The following RFTN2 variants were observed in gnomAD, a reference collection of about 807,000 sequenced individuals.
RFTN2 encodes raftlin family member 2.
Under a neutral mutation model 52.7 loss-of-function variants are expected in RFTN2, and 34 were observed. The ratio of observed to expected loss-of-function variants is 0.64; its 90% CI spans 0.49 to 0.86. RFTN2 has a LOEUF of 0.86. RFTN2 is among the 40% of genes least tolerant of loss of function. RFTN2 has a pLI of 0.00. For synonymous variants in RFTN2, 203 were observed against 217.7 expected (o/e 0.93, Z 0.59); for missense variants, 536 against 600.1 (o/e 0.89, Z 1.12).
intron 1 of RFTN2, among the ~76,000 whole-genome samples, chr2:197,661,253 A>G (rs1404262770): frequency 2.0e-5 from 3 of 151,498 alleles, no homozygotes; most frequent in Non-Finnish European, 4.4e-5. Context: ...TTTTTGAGAC[A>G]AGACTCCAGC....
intron 7 of RFTN2, among the ~76,000 whole-genome samples, chr2:197,606,172 T>C (rs11899650): frequency 0.033 from 5,027 of 152,232 alleles, 280 homozygotes; most frequent in African/African-American, 0.11. Context: ...TTCATCATCT[T>C]GGGGACATAT....
intron 8 of RFTN2, among the ~76,000 whole-genome samples, chr2:197,592,950 C>T (rs2087741152): frequency 6.6e-6 from 1 of 152,166 alleles, no homozygotes; most frequent in African/African-American, 2.4e-5. Context: ...AATCAGCTTT[C>T]TGTTATAGCT....
At chr2:197,662,350 T>C (rs2088988370) in intron 1 of RFTN2, among the ~76,000 whole-genome samples, 1 of 152,198 alleles carries the variant, frequency 6.6e-6, no homozygotes. Flanking sequence ...CTTCTGCATA[T>C]GGATATCCAT....
intron 8 of RFTN2, among the ~76,000 whole-genome samples, chr2:197,590,483 T>G (rs1473857087): frequency 6.6e-6 from 1 of 152,186 alleles, no homozygotes; most frequent in African/African-American, 2.4e-5. Context: ...CTTTCTTCAT[T>G]GTGCAATCCT....
intron 1 of RFTN2, among the ~76,000 whole-genome samples, chr2:197,663,634 G>A (rs983765707): frequency 6.6e-6 from 1 of 152,146 alleles, no homozygotes; most frequent in African/African-American, 2.4e-5. Flanking sequence ...ATAGTAGTCT[G>A]TAATGATCTT....
rs138727124 is a variant in RFTN2, at chr2:197,675,292, TAACA to T, written c.139+24_139+27del. On this transcript the variant is annotated intron_variant, in intron 1 of 8. Coordinates refer to ENST00000295049, the MANE Select transcript of RFTN2 (RefSeq NM_144629.3). ...CTAGTAGTCTCATCTCTGAAACATTTAACAAACAAAATAGAAGCAAAAAGTACCT... is the reference window on the plus strand; with the variant it reads ...CTAGTAGTCTCATCTCTGAAACATTTAACAAAATAGAAGCAAAAAGTACCT... 2.5e-4 allele frequency: 385 copies of T among 1,545,032 alleles called. 5 individuals are homozygous for T. The East Asian group carries it at 5.8e-3, about 23-fold the overall frequency.
rs1431952075 is a variant in RFTN2 at position 197,570,067 on chromosome 2, C to T, written c.*1941G>A. ...GGGCTGAATGATAAAGAAGTCTCTA[C>T]CTCTTGTAGACCCTGGAATTGGGAA... On this transcript the variant is annotated 3_prime_UTR_variant, in exon 9 of 9. Transcript: ENST00000295049. The T allele has an allele frequency of 6.6e-6, 1 of 152,038 alleles. No individual in the cohort carries two copies. 9.4% of individuals were successfully genotyped at this position (152,038 alleles called of 1,614,324 possible).
intron 1 of RFTN2, among the ~76,000 whole-genome samples, chr2:197,662,715 C>G (rs932339754): frequency 6.6e-6 from 1 of 151,996 alleles, no homozygotes; most frequent in African/African-American, 2.4e-5. Context: ...AGTATTAATT[C>G]TTCCAATCCA....
rs575501560 is a variant in RFTN2 at position 197,583,230 on chromosome 2, A to T, written c.1234-10950T>A. Reference sequence around the variant, plus strand: ...AGGCTCCCTCACTTCCCTACACATCAAGCTCGGGGATTAGCCCATGTCCAG... The same window carrying T: ...AGGCTCCCTCACTTCCCTACACATCTAGCTCGGGGATTAGCCCATGTCCAG... On this transcript the variant is annotated intron_variant, in intron 8 of 8. Transcript: ENST00000295049. Among the ~76,000 whole-genome samples, 26 of 152,158 alleles carry T rather than the reference A, an allele frequency of 1.7e-4. 1 individual carries two copies. The highest frequency in any genetic ancestry group is 2.9e-4 in the Non-Finnish European group (20 of 68,018).
intron 7 of RFTN2, among the ~76,000 whole-genome samples, chr2:197,606,122 T>C (rs1354039525): frequency 6.6e-6 from 1 of 152,188 alleles, no homozygotes; most frequent in Non-Finnish European, 1.5e-5. Context: ...TTGTAATAGC[T>C]GAGACTTTTT....
intron 5 of RFTN2, among the ~76,000 whole-genome samples, chr2:197,629,621 A>C (rs1039801756): frequency 1.4e-4 from 21 of 151,906 alleles, no homozygotes; most frequent in Non-Finnish European, 2.4e-4. Context: ...TAAAAGACCA[A>C]GTGGAAGAGG....
At chr2:197,640,904 T>C (rs577576312) in intron 3 of RFTN2, among the ~76,000 whole-genome samples, 44 of 152,358 alleles carry the variant, frequency 2.9e-4, no homozygotes, top group Non-Finnish European at 5.4e-4. Flanking sequence ...TCTTCATGTG[T>C]TCAACTGGCA....
intron 1 of RFTN2, among the ~76,000 whole-genome samples, chr2:197,659,328 G>A (rs1279776324): frequency 1.3e-5 from 2 of 151,586 alleles, no homozygotes; most frequent in African/African-American, 2.4e-5. Context: ...GTGAAACCCC[G>A]TCTCTACTAA....
At chr2:197,669,520 C>A (rs574118798) in intron 1 of RFTN2, among the ~76,000 whole-genome samples, 2 of 152,110 alleles carry the variant, frequency 1.3e-5, no homozygotes, top group African/African-American at 4.8e-5. Context: ...TCATTGAAGG[C>A]GGTTTTTCTA....
rs1054340446 is a variant in RFTN2, at chr2:197,571,384, G to A, written c.*624C>T. 1.3e-5 allele frequency: 2 copies of A among 152,692 alleles called. No individual in the cohort carries two copies. The highest frequency in any genetic ancestry group is 2.4e-5 in the African/African-American group (1 of 41,554). The allele number at this position is 152,692 out of a possible 1,614,324, so 9.5% of individuals were successfully genotyped here. On this transcript the variant is annotated 3_prime_UTR_variant, in exon 9 of 9. Transcript: ENST00000295049. ...AGGAGCAACAACATTTATGTACAAT[G>A]AATCAGTACAGGGTTGGTGACATGA...
chr2:197,607,656 T>C (rs1043957383), intron 7 of RFTN2, among the ~76,000 whole-genome samples: 3 of 152,160 alleles, frequency 2.0e-5, no homozygotes, highest in South Asian at 2.1e-4. Flanking sequence ...TAATTCTTGC[T>C]TTTGAAAACT....
chr2:197,626,150 A>G (rs1215586777), intron 5 of RFTN2, among the ~76,000 whole-genome samples: 4 of 152,178 alleles, frequency 2.6e-5, no homozygotes, highest in African/African-American at 9.7e-5. Flanking sequence ...TAATGAATGA[A>G]TTGGAATAAA....
At chr2:197,634,145 C>G in intron 3 of RFTN2, 148 bp from the exon 4 acceptor site, 1 of 662,180 alleles carries the variant, frequency 1.5e-6, no homozygotes, top group Non-Finnish European at 2.5e-6. Flanking sequence ...ACTAATGAAT[C>G]ACCTGTAAAA....
At chr2:197,660,860 A>C (rs2088967822) in intron 1 of RFTN2, among the ~76,000 whole-genome samples, 1 of 152,010 alleles carries the variant, frequency 6.6e-6, no homozygotes. Context: ...CGCCCGGCCA[A>C]GTATTTATTA....
Sources: gnomAD v4.1 joint callset for allele counts (sites outside exome capture counted in the v4.1 genomes callset) on GRCh38, gnomAD v4.1.1 for gene constraint, MANE v1.5 for transcripts, NCBI Gene and HGNC (gene_info 2026-07-23, HGNC 2026-07-21) for gene names.